Variants in SENP5 observed in about 807,000 individuals in gnomAD.
The protein encoded by SENP5 is sentrin-specific protease 5.
In SENP5, 21 loss-of-function variants were observed where a neutral mutation model predicts 74.2. The ratio of observed to expected loss-of-function variants is 0.28; its 90% CI spans 0.20 to 0.41. The LOEUF (loss-of-function observed/expected upper bound fraction) is 0.41. Ranked by LOEUF, SENP5 falls within the 10% of genes least tolerant of loss-of-function variation. The pLI, the probability that SENP5 is intolerant of heterozygous loss-of-function variation, is 1.00. For missense variants in SENP5, 717 were observed against 889.1 expected, an observed-to-expected ratio of 0.81 and a Z score of 2.46; for synonymous variants, 311 against 312.7, an observed-to-expected ratio of 0.99 and a Z score of 0.06.
intron 7 of SENP5, among the ~76,000 whole-genome samples, chr3:196,925,435 G>C (rs964157497): frequency 6.6e-6 from 1 of 152,146 alleles, no homozygotes. Context: ...ATACCTGCCA[G>C]AGCCTGTCTA....
intron 1 of SENP5, among the ~76,000 whole-genome samples, chr3:196,872,029 C>T (rs958294672): frequency 4.6e-5 from 7 of 152,158 alleles, no homozygotes; most frequent in Admixed American, 2.6e-4. Context: ...GGATTACAGG[C>T]GTGAGCCACC....
chr3:196,914,586 A>AAAAATATATATATATATATAT, intron 6 of SENP5: 1 of 33,510 alleles, frequency 3.0e-5, no homozygotes, highest in African/African-American at 1.8e-4. Flanking sequence ...AAAAAAAAAA[A>AAAAATATATATATATATATAT]ATATATATAT....
chr3:196,917,729 A>C (rs1454560524), intron 6 of SENP5, among the ~76,000 whole-genome samples: 1 of 152,212 alleles, frequency 6.6e-6, no homozygotes, highest in Admixed American at 6.5e-5. Context: ...TTCAAACATG[A>C]AGGAGAAATA....
intron 7 of SENP5, among the ~76,000 whole-genome samples, chr3:196,926,043 ATG>A (rs1330085739): frequency 6.6e-6 from 1 of 152,180 alleles, no homozygotes; most frequent in Middle Eastern, 3.2e-3. Context: ...CACCACATAA[ATG>A]TGTAGATTCC....
chr3:196,912,298 ATCC>A (rs775432270), intron 6 of SENP5, among the ~76,000 whole-genome samples: 6 of 152,232 alleles, frequency 3.9e-5, no homozygotes, highest in Non-Finnish European at 8.8e-5. Flanking sequence ...GGAAGCCATC[ATCC>A]TCAGCAAACT....
At chr3:196,895,109 G>A (rs1438468720) in intron 2 of SENP5, among the ~76,000 whole-genome samples, 2 of 152,108 alleles carry the variant, frequency 1.3e-5, no homozygotes, top group African/African-American at 4.8e-5. Flanking sequence ...CCACATCCAG[G>A]GTGGAATGTG....
chr3:196,914,578 A>ATATATATAT (rs1553825306), intron 6 of SENP5: 3 of 72,788 alleles, frequency 4.1e-5, no homozygotes, highest in African/African-American at 1.2e-4. Context: ...AAAAAAAAAA[A>ATATATATAT]AAAAAAAAAT....
Sources: gnomAD v4.1 joint callset for allele counts (sites outside exome capture counted in the v4.1 genomes callset) on GRCh38, gnomAD v4.1.1 for gene constraint, MANE v1.5 for transcripts, NCBI Gene and HGNC (gene_info 2026-07-23, HGNC 2026-07-21) for gene names.